Variants in MED12L observed in about 807,000 individuals in gnomAD.
MED12L encodes mediator of RNA polymerase II transcription subunit 12-like protein.
A neutral mutation model predicts 281.3 loss-of-function variants in MED12L; 60 were observed. That is an observed-to-expected ratio of 0.21 (90% CI 0.17 to 0.26). The LOEUF is 0.26. Among genes scored for constraint, MED12L ranks in the 10% least tolerant of loss-of-function variants. The pLI, the probability that MED12L is intolerant of heterozygous loss-of-function variation, is 1.00. For missense variants in MED12L, 2,146 were observed against 2,680.9 expected (o/e 0.80, Z 4.41); for synonymous variants, 974 against 987.2 (o/e 0.99, Z 0.25).
chr3:151,326,069 A>C (rs564770220), intron 16 of MED12L, among the ~76,000 whole-genome samples: 1 of 152,352 alleles, frequency 6.6e-6, no homozygotes, highest in East Asian at 1.9e-4. Flanking sequence ...GCATAGCTAA[A>C]GGATTTTGTC....
chr3:151,105,570 C>T (rs1412128200), intron 2 of MED12L, among the ~76,000 whole-genome samples: 1 of 152,120 alleles, frequency 6.6e-6, no homozygotes, highest in Non-Finnish European at 1.5e-5. Flanking sequence ...TCCTTCTCTC[C>T]CCTCTGGCCA....
chr3:151,223,451 CAAT>C (rs1442310187), intron 16 of MED12L, among the ~76,000 whole-genome samples: 1 of 152,104 alleles, frequency 6.6e-6, no homozygotes, highest in Non-Finnish European at 1.5e-5. Flanking sequence ...AGGTGCCTAT[CAAT>C]GATGGATTGG....
intron 5 of MED12L, among the ~76,000 whole-genome samples, chr3:151,150,126 T>G (rs1289437077): frequency 6.6e-6 from 1 of 152,226 alleles, no homozygotes; most frequent in African/African-American, 2.4e-5. Context: ...AGCTTTTCAG[T>G]TTACTGTGCC....
At chr3:151,262,076 A>G (rs534197928) in intron 16 of MED12L, among the ~76,000 whole-genome samples, 1 of 152,324 alleles carries the variant, frequency 6.6e-6, no homozygotes, top group African/African-American at 2.4e-5. Flanking sequence ...AATCACTGTT[A>G]AAACTACTAT....
chr3:151,206,192 G>A (rs904270232), intron 16 of MED12L, among the ~76,000 whole-genome samples: 1 of 151,086 alleles, frequency 6.6e-6, no homozygotes. Context: ...TGATTAAGCA[G>A]TGTAGTTTTA....
At chr3:151,374,989 A>C (rs1472626138) in intron 27 of MED12L, among the ~76,000 whole-genome samples, 1 of 152,218 alleles carries the variant, frequency 6.6e-6, no homozygotes, top group Non-Finnish European at 1.5e-5. Flanking sequence ...TAGGTGTCAT[A>C]CCGACTGGGT....
intron 16 of MED12L, among the ~76,000 whole-genome samples, chr3:151,339,893 G>A (rs895467948): frequency 5.7e-4 from 87 of 152,106 alleles, no homozygotes; most frequent in Non-Finnish European, 8.1e-4. Context: ...AAGTGAAATT[G>A]ATTCTATATA....
chr3:151,223,515 A>G (rs968081061), intron 16 of MED12L, among the ~76,000 whole-genome samples: 4 of 152,238 alleles, frequency 2.6e-5, no homozygotes, highest in African/African-American at 9.6e-5. Context: ...CAGCCATACA[A>G]AAGAAATCAT....
chr3:151,430,385 G>A lies in MED12L; in HGVS notation c.6490+5G>A, dbSNP rs1363846775. The A allele has an allele frequency of 6.2e-7, 1 of 1,613,954 alleles. No individual in the cohort carries two copies. The highest frequency in any genetic ancestry group is 1.3e-5 in the African/African-American group (1 of 74,912). On this transcript the variant is annotated splice_donor_5th_base_variant and intron_variant, in intron 44 of 44. Transcript: ENST00000687756. ...AGCTCCAGAAGCAGCTTTCCAGTAAGTACCCCTGTGTGTCATGGAACAGAC... is the reference window on the plus strand; with the variant it reads ...AGCTCCAGAAGCAGCTTTCCAGTAAATACCCCTGTGTGTCATGGAACAGAC...
intron 38 of MED12L, among the ~76,000 whole-genome samples, chr3:151,393,708 C>T (rs1191264178): frequency 6.6e-6 from 1 of 152,164 alleles, no homozygotes; most frequent in African/African-American, 2.4e-5. Flanking sequence ...TTACCTTTGT[C>T]ATAGTGAGTT....
At chr3:151,307,192 T>C (rs1746770918) in intron 16 of MED12L, among the ~76,000 whole-genome samples, 1 of 152,226 alleles carries the variant, frequency 6.6e-6, no homozygotes, top group African/African-American at 2.4e-5. Flanking sequence ...TTTATGTGTA[T>C]GTGTATTTGT....
At chr3:151,375,970 C>CATATATGTATAT in intron 27 of MED12L, 56 bp from the exon 28 acceptor site, 1 of 811,842 alleles carries the variant, frequency 1.2e-6, no homozygotes, top group East Asian at 2.9e-5. Flanking sequence ...GTACATATTG[C>CATATATGTATAT]ATATATATAT....
intron 11 of MED12L, among the ~76,000 whole-genome samples, chr3:151,185,003 GT>G (rs961061470): frequency 9.2e-5 from 14 of 151,984 alleles, no homozygotes; most frequent in African/African-American, 2.9e-4. Context: ...GTCAGTGGTT[GT>G]TTTTTTCCCT....
intron 16 of MED12L, chr3:151,241,741 G>T (rs1184485488): frequency 6.6e-6 from 1 of 151,790 alleles, no homozygotes; most frequent in Admixed American, 6.6e-5. Context: ...TGGAATACTG[G>T]CAAGAAAGTT....
At chr3:151,316,573 A>T (rs972088008) in intron 16 of MED12L, 8 of 152,066 alleles carry the variant, frequency 5.3e-5, no homozygotes, top group Admixed American at 3.9e-4. Context: ...AAAATGAAAA[A>T]TTTTTCGTTT....
intron 14 of MED12L, 44 bp from the exon 15 acceptor site, chr3:151,192,506 C>T: frequency 7.4e-7 from 1 of 1,358,664 alleles, no homozygotes. Flanking sequence ...TCTTGATGAA[C>T]TCCAAAACTT....
chr3:151,432,635 G>C, intron 44 of MED12L, 117 bp from the exon 45 acceptor site: 1 of 740,020 alleles, frequency 1.4e-6, no homozygotes. Flanking sequence ...AGTACTCTCC[G>C]GCCATTCTGT....
At chr3:151,320,986 G>C (rs1352666225) in intron 16 of MED12L, among the ~76,000 whole-genome samples, 3 of 152,186 alleles carry the variant, frequency 2.0e-5, no homozygotes, top group African/African-American at 7.2e-5. Context: ...TATATACAGT[G>C]TAGTTCCACA....
chr3:151,291,920 T>C (rs969292199), intron 16 of MED12L, among the ~76,000 whole-genome samples: 2 of 152,242 alleles, frequency 1.3e-5, no homozygotes, highest in African/African-American at 4.8e-5. Flanking sequence ...AGATATTCCA[T>C]TGATTTAATA....
Sources: gnomAD v4.1 joint callset for allele counts (sites outside exome capture counted in the v4.1 genomes callset) on GRCh38, gnomAD v4.1.1 for gene constraint, MANE v1.5 for transcripts, NCBI Gene and HGNC (gene_info 2026-07-23, HGNC 2026-07-21) for gene names.